Variants in PARD3 observed in about 807,000 individuals in gnomAD.
PARD3 encodes the protein par-3 family cell polarity regulator.
A neutral mutation model predicts 155.4 loss-of-function variants in PARD3; 75 were observed. The ratio of observed to expected loss-of-function variants is 0.48; its 90% CI spans 0.40 to 0.58. PARD3 has a LOEUF of 0.58. PARD3 is among the 20% of genes least tolerant of loss of function. The probability of loss-of-function intolerance (pLI) is 0.00; values close to 1 mark genes in which losing one functional copy is unlikely to be tolerated. For synonymous variants in PARD3, 576 were observed against 610.5 expected, an observed-to-expected ratio of 0.94 and a Z score of 0.83; for missense variants, 1,642 against 1,721.7, an observed-to-expected ratio of 0.95 and a Z score of 0.82.
intron 2 of PARD3, among the ~76,000 whole-genome samples, chr10:34,577,750 G>C (rs1175665011): frequency 1.3e-5 from 2 of 152,206 alleles, no homozygotes; most frequent in East Asian, 3.8e-4. Flanking sequence ...AGGCACACAC[G>C]TGGGTACATA....
intron 20 of PARD3, chr10:34,312,142 C>T (rs1255444903): frequency 5.0e-6 from 4 of 796,292 alleles, no homozygotes; most frequent in South Asian, 1.9e-5. Context: ...CCTTTTCAAG[C>T]GTAATTTAAA....
At chr10:34,637,435 G>A (rs2092518653) in intron 2 of PARD3, among the ~76,000 whole-genome samples, 1 of 152,212 alleles carries the variant, frequency 6.6e-6, no homozygotes, top group South Asian at 2.1e-4. Context: ...ATCCACAAGT[G>A]TTAGTTTTAA....
chr10:34,156,049 G>A (rs1168859513), intron 22 of PARD3, among the ~76,000 whole-genome samples: 1 of 151,256 alleles, frequency 6.6e-6, no homozygotes, highest in Non-Finnish European at 1.5e-5. Context: ...GCCTATGCAT[G>A]CCATGTGACC....
chr10:34,632,565 A>AT (rs1267905569), intron 2 of PARD3, among the ~76,000 whole-genome samples: 3 of 152,206 alleles, frequency 2.0e-5, no homozygotes, highest in Non-Finnish European at 4.4e-5. Flanking sequence ...AACACAGATA[A>AT]TACTGCCAAC....
chr10:34,321,798 A>G (rs576243349), intron 19 of PARD3, among the ~76,000 whole-genome samples: 2 of 152,324 alleles, frequency 1.3e-5, no homozygotes, highest in African/African-American at 4.8e-5. Flanking sequence ...TTTGGAAAAG[A>G]TCGGGCATTT....
At chr10:34,421,607 A>G (rs1846195481) in intron 5 of PARD3, among the ~76,000 whole-genome samples, 2 of 152,270 alleles carry the variant, frequency 1.3e-5, no homozygotes, top group South Asian at 4.1e-4. Flanking sequence ...AAGCTCATTA[A>G]ACAATAAATC....
chr10:34,792,162 TGCGC>T (rs1403378456), intron 1 of PARD3, among the ~76,000 whole-genome samples: 2 of 152,082 alleles, frequency 1.3e-5, no homozygotes, highest in Non-Finnish European at 1.5e-5. Context: ...TCCCCGGACG[TGCGC>T]CCACGTGCTC....
chr10:34,251,619 T>G (rs1370798820), intron 22 of PARD3, among the ~76,000 whole-genome samples: 1 of 152,216 alleles, frequency 6.6e-6, no homozygotes, highest in Non-Finnish European at 1.5e-5. Context: ...TCTTATGGTA[T>G]GGTGTTGTAT....
chr10:34,539,124 G>A (rs2083424861), intron 2 of PARD3, among the ~76,000 whole-genome samples: 2 of 152,200 alleles, frequency 1.3e-5, no homozygotes, highest in African/African-American at 2.4e-5. Context: ...CATCACAGGA[G>A]GTGTTACATC....
intron 22 of PARD3, among the ~76,000 whole-genome samples, chr10:34,243,094 C>A (rs567772007): frequency 6.6e-6 from 1 of 152,234 alleles, no homozygotes; most frequent in East Asian, 1.9e-4. Context: ...ACACACAGAA[C>A]CAATTATAAT....
At chr10:34,417,138 C>A (rs1483366122) in intron 5 of PARD3, among the ~76,000 whole-genome samples, 2 of 152,070 alleles carry the variant, frequency 1.3e-5, no homozygotes, top group Non-Finnish European at 2.9e-5. Context: ...TACATAAAAA[C>A]CCTAAGCTTC....
chr10:34,460,053 A>G (rs1295740987), intron 4 of PARD3, among the ~76,000 whole-genome samples: 3 of 152,196 alleles, frequency 2.0e-5, no homozygotes, highest in African/African-American at 7.2e-5. Context: ...ATTGTTTCTC[A>G]TAAGTAATGA....
In PARD3 at chr10:34,233,017, A is replaced by ATTTTTTTTTTTTTT. The variant is rs3039283; in HGVS notation, c.3419+36626_3419+36639dup. On this transcript the variant is annotated intron_variant, in intron 22 of 24. Coordinates refer to ENST00000374788, the MANE Select transcript of PARD3 (RefSeq NM_001184785.2). ...GTGCCCGGCCCATCCTCAAATGTTA[A>ATTTTTTTTTTTTTT]TTTTTTTTTTTTTTTTTTTTTTGCC... Among the ~76,000 whole-genome samples, 70 of 96,170 alleles carry ATTTTTTTTTTTTTT rather than the reference A, an allele frequency of 7.3e-4. 3 individuals are homozygous for ATTTTTTTTTTTTTT. Among genetic ancestry groups the ATTTTTTTTTTTTTT allele is most frequent in the Non-Finnish European group, 8.7e-4 (45 of 51,504 alleles). The allele number at this position is 96,170 out of a possible 152,430, so 63.1% of individuals were successfully genotyped here.
intron 20 of PARD3, among the ~76,000 whole-genome samples, chr10:34,301,131 A>C (rs1033617211): frequency 2.0e-5 from 3 of 152,204 alleles, no homozygotes; most frequent in African/African-American, 7.2e-5. Context: ...TCTGCTTCTT[A>C]AAACAGGGAT....
At chr10:34,746,396 G>T (rs1337404152) in intron 1 of PARD3, among the ~76,000 whole-genome samples, 1 of 151,852 alleles carries the variant, frequency 6.6e-6, no homozygotes, top group East Asian at 1.9e-4. Flanking sequence ...TTATAGTGAG[G>T]TATGATCACC....
At chr10:34,143,528 G>C (rs183075724) in intron 22 of PARD3, among the ~76,000 whole-genome samples, 2 of 152,152 alleles carry the variant, frequency 1.3e-5, no homozygotes, top group East Asian at 3.9e-4. Flanking sequence ...CATTTTCTTT[G>C]TTTTTGCTTT....
At chr10:34,358,272 A>G (rs935248628) in intron 14 of PARD3, among the ~76,000 whole-genome samples, 1 of 152,194 alleles carries the variant, frequency 6.6e-6, no homozygotes, top group African/African-American at 2.4e-5. Flanking sequence ...CCTATTATAC[A>G]ACAAAGTATG....
At chr10:34,709,278 G>C (rs1175076405) in intron 1 of PARD3, among the ~76,000 whole-genome samples, 1 of 152,144 alleles carries the variant, frequency 6.6e-6, no homozygotes, top group Non-Finnish European at 1.5e-5. Flanking sequence ...AACCAAGTTT[G>C]TATTAAGTCC....
intron 22 of PARD3, among the ~76,000 whole-genome samples, chr10:34,213,156 G>A (rs532158553): frequency 1.3e-5 from 2 of 152,116 alleles, no homozygotes; most frequent in Non-Finnish European, 2.9e-5. Context: ...TTCAAGATTG[G>A]GCAGCTGCAT....
Sources: gnomAD v4.1 joint callset for allele counts (sites outside exome capture counted in the v4.1 genomes callset) on GRCh38, gnomAD v4.1.1 for gene constraint, MANE v1.5 for transcripts, NCBI Gene and HGNC (gene_info 2026-07-23, HGNC 2026-07-21) for gene names.